SYN3: variants seen among roughly 807,000 people sequenced by gnomAD.
SYN3 encodes synapsin-3.
Under a neutral mutation model 65.8 loss-of-function variants are expected in SYN3, and 35 were observed. The ratio of observed to expected loss-of-function variants is 0.53; its 90% CI spans 0.41 to 0.70. The LOEUF is 0.70. SYN3 is among the 30% of genes least tolerant of loss of function. The probability of loss-of-function intolerance (pLI) is 0.00; values close to 1 mark genes in which losing one functional copy is unlikely to be tolerated. For synonymous variants in SYN3, 270 were observed against 292.9 expected (o/e 0.92, Z 0.80); for missense variants, 680 against 749.0 (o/e 0.91, Z 1.08).
intron 1 of SYN3, among the ~76,000 whole-genome samples, chr22:33,026,643 G>A (rs967078196): frequency 6.6e-6 from 1 of 152,104 alleles, no homozygotes; most frequent in African/African-American, 2.4e-5. Flanking sequence ...CAGTGTCTAG[G>A]CTCTGCCTTG....
intron 1 of SYN3, among the ~76,000 whole-genome samples, chr22:33,025,625 C>A (rs1371052176): frequency 9.1e-6 from 1 of 109,984 alleles, no homozygotes; most frequent in Non-Finnish European, 1.9e-5. Flanking sequence ...CAGAGCAACA[C>A]TCCGTCTGGA....
At chr22:32,885,762 T>C (rs558508285) in intron 4 of SYN3, among the ~76,000 whole-genome samples, 4 of 152,264 alleles carry the variant, frequency 2.6e-5, no homozygotes, top group Admixed American at 2.6e-4. Flanking sequence ...GGTTTCACCA[T>C]GTTGGCTGGG....
At chr22:32,778,962 G>A (rs1039830777) in intron 6 of SYN3, among the ~76,000 whole-genome samples, 7 of 151,934 alleles carry the variant, frequency 4.6e-5, no homozygotes, top group Non-Finnish European at 7.4e-5. Flanking sequence ...CACCTCTTAC[G>A]TGCCCAGCTT....
chr22:32,766,076 T>C (rs2045616925), intron 6 of SYN3, among the ~76,000 whole-genome samples: 1 of 152,116 alleles, frequency 6.6e-6, no homozygotes, highest in African/African-American at 2.4e-5. Flanking sequence ...ACCAGGTAGC[T>C]TGCACCTCTG....
Position 32,508,307 on chromosome 22 carries a change from G to A in SYN3, c.*5385C>T, listed in dbSNP as rs750339483. The stretch of plus-strand genomic sequence containing the variant: ...CCGCACTGAGCACCTTGTGACCCCC[G>A]CCCCTGCCCACCAGAGAACAACCCC... On this transcript the variant is annotated 3_prime_UTR_variant, in exon 14 of 14. Coordinates refer to ENST00000358763, the MANE Select transcript of SYN3 (RefSeq NM_003490.4). 6.0e-4 allele frequency among the ~76,000 whole-genome samples: 91 copies of A among 151,620 alleles called. No individual in the cohort carries two copies. The highest frequency in any genetic ancestry group is 9.4e-4 in the Non-Finnish European group (64 of 67,942).
intron 6 of SYN3, among the ~76,000 whole-genome samples, chr22:32,746,148 T>G (rs1205948623): frequency 6.6e-6 from 1 of 152,202 alleles, no homozygotes; most frequent in Non-Finnish European, 1.5e-5. Flanking sequence ...CTATGAGGAC[T>G]GAGCGGGTTG....
chr22:33,003,741 A>G (rs1203594477), intron 2 of SYN3, among the ~76,000 whole-genome samples: 1 of 152,228 alleles, frequency 6.6e-6, no homozygotes, highest in African/African-American at 2.4e-5. Context: ...CACTGCAGAA[A>G]TTTGCATAAG....
chr22:32,839,598 T>A (rs2047836029), intron 6 of SYN3, among the ~76,000 whole-genome samples: 1 of 152,190 alleles, frequency 6.6e-6, no homozygotes, highest in Admixed American at 6.5e-5. Flanking sequence ...TATCTGTACC[T>A]TTCTTCCAAA....
At chr22:32,576,646 G>C (rs2058855269) in intron 7 of SYN3, among the ~76,000 whole-genome samples, 1 of 152,114 alleles carries the variant, frequency 6.6e-6, no homozygotes, top group African/African-American at 2.4e-5. Context: ...GCCTGGCACA[G>C]TCAGTTCCCA....
chr22:32,687,316 C>T (rs1248891258), intron 6 of SYN3, among the ~76,000 whole-genome samples: 2 of 152,050 alleles, frequency 1.3e-5, no homozygotes, highest in East Asian at 1.9e-4. Context: ...GCGCTCACCA[C>T]CACGCCCGGC....
At chr22:32,629,160 G>A (rs1408601412) in intron 6 of SYN3, among the ~76,000 whole-genome samples, 1 of 152,176 alleles carries the variant, frequency 6.6e-6, no homozygotes, top group East Asian at 1.9e-4. Context: ...AATCGCTTTG[G>A]ATTTGAGCGT....
rs1488398718 is a variant in SYN3 at position 32,508,948 on chromosome 22, T to C, written c.*4744A>G. 6.6e-6 allele frequency among the ~76,000 whole-genome samples: 1 copy of C among 152,238 alleles called. No homozygotes were observed. The highest frequency in any genetic ancestry group is 2.1e-4 in the South Asian group (1 of 4,834). On this transcript the variant is annotated 3_prime_UTR_variant, in exon 14 of 14. Coordinates refer to ENST00000358763, the MANE Select transcript of SYN3 (RefSeq NM_003490.4). ...GTTTGTTACCATGTGAGTGAAGACC[T>C]ATCATCCCCTTAAATTTTGGAAAGA... is the stretch of plus-strand genomic sequence containing the variant.
At position 32,658,769 on chromosome 22, in the gene SYN3, C is replaced by A. The variant is rs746770328; in HGVS notation, c.712-62033G>T. 1.0e-3 allele frequency among the ~76,000 whole-genome samples: 156 copies of A among 152,230 alleles called. 1 individual carries two copies. Among genetic ancestry groups the A allele is most frequent in the Admixed American group, 1.8e-3 (27 of 15,292 alleles). ...CTAAAAAAGGGACGTTGAGCTGGAG[C>A]TTGAAGAATGAGCTGTTGTCCATCT... On this transcript the variant is annotated intron_variant, in intron 6 of 13. Transcript: ENST00000358763.
intron 1 of SYN3, among the ~76,000 whole-genome samples, chr22:33,053,319 A>G (rs899172886): frequency 1.3e-5 from 2 of 152,120 alleles, no homozygotes; most frequent in Non-Finnish European, 2.9e-5. Context: ...GCTACTCCGG[A>G]GGCTGAGGCA....
intron 2 of SYN3, among the ~76,000 whole-genome samples, chr22:32,986,853 G>A (rs1039448898): frequency 2.6e-5 from 4 of 152,114 alleles, no homozygotes; most frequent in African/African-American, 9.7e-5. Flanking sequence ...CTCTCCGTGG[G>A]TGGTCTCATA....
chr22:32,863,297 A>G (rs1477182016), intron 6 of SYN3, among the ~76,000 whole-genome samples: 1 of 152,206 alleles, frequency 6.6e-6, no homozygotes, highest in Non-Finnish European at 1.5e-5. Flanking sequence ...ATGTATTAAT[A>G]TATCTGTACC....
intron 6 of SYN3, among the ~76,000 whole-genome samples, chr22:32,679,340 G>A (rs913947328): frequency 4.0e-5 from 6 of 151,354 alleles, no homozygotes; most frequent in Admixed American, 2.0e-4. Context: ...CATGAGCACC[G>A]CGCCTGGCAA....
chr22:32,581,387 T>A (rs749315901), intron 7 of SYN3, among the ~76,000 whole-genome samples: 14 of 152,184 alleles, frequency 9.2e-5, no homozygotes, highest in Non-Finnish European at 2.1e-4. Context: ...GGGATTATAG[T>A]AGGCATGAGC....
chr22:32,678,345 A>G (rs938600692), intron 6 of SYN3, among the ~76,000 whole-genome samples: 2 of 152,110 alleles, frequency 1.3e-5, no homozygotes, highest in Non-Finnish European at 2.9e-5. Context: ...TCCTTTCTGA[A>G]TCTCTCCTGT....
Sources: gnomAD v4.1 joint callset for allele counts (sites outside exome capture counted in the v4.1 genomes callset) on GRCh38, gnomAD v4.1.1 for gene constraint, MANE v1.5 for transcripts, NCBI Gene and HGNC (gene_info 2026-07-23, HGNC 2026-07-21) for gene names.